The following TENM2 variants were observed in gnomAD, a reference collection of about 807,000 sequenced individuals.
The protein encoded by TENM2 is teneurin transmembrane protein 2, also known as teneurin-2.
Under a neutral mutation model 245.2 loss-of-function variants are expected in TENM2, and 52 were observed. The ratio of observed to expected loss-of-function variants is 0.21; its 90% CI spans 0.17 to 0.27. TENM2 has a LOEUF of 0.27. Ranked by LOEUF, TENM2 falls within the 10% of genes least tolerant of loss-of-function variation. TENM2 has a pLI of 1.00. For synonymous variants in TENM2, 1,363 were observed against 1,438.9 expected, an observed-to-expected ratio of 0.95 and a Z score of 1.19; for missense variants, 3,046 against 3,666.8, an observed-to-expected ratio of 0.83 and a Z score of 4.37.
intron 2 of TENM2, among the ~76,000 whole-genome samples, chr5:167,419,767 A>G (rs1179657226): frequency 6.6e-6 from 1 of 152,234 alleles, no homozygotes; most frequent in Non-Finnish European, 1.5e-5. Context: ...GTAAACCAAG[A>G]ATAAATATAC....
intron 2 of TENM2, among the ~76,000 whole-genome samples, chr5:167,743,385 A>G (rs1349497924): frequency 1.3e-5 from 2 of 152,222 alleles, no homozygotes; most frequent in South Asian, 2.1e-4. Context: ...ATCATTAGAA[A>G]GACAAAAAGA....
At chr5:167,052,418 A>G in the TENM2 span, among the ~76,000 whole-genome samples, 1 of 152,162 alleles carries the variant, frequency 6.6e-6, no homozygotes, top group Non-Finnish European at 1.5e-5. Context: ...TGTTATGGGT[A>G]CTCAATTATG....
At chr5:167,563,665 A>T (rs1773730497) in intron 2 of TENM2, among the ~76,000 whole-genome samples, 1 of 152,164 alleles carries the variant, frequency 6.6e-6, no homozygotes. Flanking sequence ...CCTCATATAC[A>T]ACAGTGGTCC....
chr5:167,109,779 C>T, the TENM2 span, among the ~76,000 whole-genome samples: 1 of 152,124 alleles, frequency 6.6e-6, no homozygotes, highest in Non-Finnish European at 1.5e-5. Flanking sequence ...CGTTATGGTA[C>T]CAGAATTTCT....
chr5:167,494,631 A>G (rs1768677004), intron 2 of TENM2, among the ~76,000 whole-genome samples: 1 of 152,152 alleles, frequency 6.6e-6, no homozygotes, highest in South Asian at 2.1e-4. Flanking sequence ...TGAAACAAAC[A>G]TGTTTGAAGC....
In TENM2 at chr5:167,767,011, C is replaced by T. The variant is rs146377378; in HGVS notation, c.503-108975C>T. 6.7e-4 allele frequency among the ~76,000 whole-genome samples: 102 copies of T among 152,214 alleles called. 1 individual carries two copies. The highest frequency in any genetic ancestry group is 3.3e-3 in the Admixed American group (50 of 15,274). Reference sequence around the variant, plus strand: ...TGTAGTGGTTCCTCAAAACATTAAACGTACAATTACCATATGATCCAAATC... The same window carrying T: ...TGTAGTGGTTCCTCAAAACATTAAATGTACAATTACCATATGATCCAAATC... On this transcript the variant is annotated intron_variant, in intron 2 of 28. Coordinates refer to ENST00000518659, the Ensembl canonical transcript of TENM2.
Position 168,215,022 on chromosome 5 carries a change from G to C in TENM2, c.3846-18G>C. The stretch of plus-strand genomic sequence containing the variant: ...CATAGCCCCCTCCTCATTTCTCTTT[G>C]TGCTTCTTCTACTAAAGCAACAACC... On this transcript the variant is annotated intron_variant, in intron 20 of 28. Transcript: ENST00000518659. 6.2e-7 allele frequency: 1 copy of C among 1,610,982 alleles called. No individual in the cohort carries two copies. The highest frequency in any genetic ancestry group is 8.5e-7 in the Non-Finnish European group (1 of 1,177,620).
chr5:168,050,888 T>C (rs1018117704), intron 6 of TENM2, among the ~76,000 whole-genome samples: 3 of 152,228 alleles, frequency 2.0e-5, no homozygotes, highest in African/African-American at 7.2e-5. Context: ...GAATTGTTGC[T>C]GGCTTTCACA....
At chr5:167,646,232 T>C (rs1441852754) in intron 2 of TENM2, among the ~76,000 whole-genome samples, 1 of 139,022 alleles carries the variant, frequency 7.2e-6, no homozygotes, top group Non-Finnish European at 1.5e-5. Context: ...TATATATATG[T>C]TGTTTTCTTA....
chr5:167,167,432 TG>T, the TENM2 span, among the ~76,000 whole-genome samples: 1 of 152,142 alleles, frequency 6.6e-6, no homozygotes. Flanking sequence ...ATCCCTCCCC[TG>T]TCATAAACTC....
chr5:167,922,354 C>T lies in TENM2; in HGVS notation c.713-30234C>T, dbSNP rs1471483803. On this transcript the variant is annotated intron_variant, in intron 3 of 28. Transcript: ENST00000518659. ...TCTTGAGCAACATCCTCCAAATTGG[C>T]CCCTGCAGCTCCATAGTCTCCCTTT... 1.2e-4 allele frequency among the ~76,000 whole-genome samples: 18 copies of T among 152,174 alleles called. No individual in the cohort carries two copies. In the South Asian group the frequency reaches 3.5e-3, roughly 30 times the overall value.
intron 2 of TENM2, among the ~76,000 whole-genome samples, chr5:167,748,587 T>C (rs1367189018): frequency 1.4e-5 from 2 of 143,248 alleles, no homozygotes; most frequent in Non-Finnish European, 3.2e-5. Flanking sequence ...CATTTTCACA[T>C]TGCTATTAAG....
intron 2 of TENM2, among the ~76,000 whole-genome samples, chr5:167,783,228 C>G (rs980642043): frequency 4.0e-5 from 6 of 151,370 alleles, no homozygotes; most frequent in African/African-American, 1.5e-4. Flanking sequence ...CCTCCTTCCC[C>G]CAGGAGGGTT....
intron 2 of TENM2, among the ~76,000 whole-genome samples, chr5:167,676,988 G>C (rs1233513652): frequency 1.3e-5 from 2 of 152,064 alleles, no homozygotes; most frequent in African/African-American, 2.4e-5. Flanking sequence ...TCAACTAAAT[G>C]TATGCATGTT....
chr5:167,592,210 C>T (rs1047474934), intron 2 of TENM2, among the ~76,000 whole-genome samples: 2 of 152,178 alleles, frequency 1.3e-5, no homozygotes, highest in Non-Finnish European at 2.9e-5. Context: ...CTCTGGTAAC[C>T]CTCTTATGGA....
intron 2 of TENM2, among the ~76,000 whole-genome samples, chr5:167,862,636 C>A (rs369545279): frequency 2.6e-4 from 39 of 152,284 alleles, no homozygotes; most frequent in African/African-American, 9.4e-4. Flanking sequence ...TAGTTTTCCC[C>A]GGAGAGTGTC....
intron 3 of TENM2, among the ~76,000 whole-genome samples, chr5:167,886,113 A>G (rs1774268459): frequency 6.6e-6 from 1 of 152,164 alleles, no homozygotes; most frequent in Non-Finnish European, 1.5e-5. Flanking sequence ...TTTTGGCTAG[A>G]GGACATGGAC....
At position 168,124,817 on chromosome 5, in the gene TENM2, T is replaced by G. The variant is rs572674382; in HGVS notation, c.2009-33T>G. On this transcript the variant is annotated intron_variant, in intron 10 of 28. Transcript: ENST00000518659. ...CATCCTCCATGGGTGATTAATACTT[T>G]TATTCTTTGGTTTTTGTTTTTGTTT... The G allele has an allele frequency of 8.9e-6, 14 of 1,568,258 alleles. No individual in the cohort carries two copies. The East Asian group carries it at 2.6e-4, about 29-fold the overall frequency.
rs769264788 is a variant in TENM2, at chr5:168,227,878, C to G, written c.5285-17C>G. The G allele has an allele frequency of 6.5e-7, 1 of 1,529,902 alleles. No homozygotes were observed. Among genetic ancestry groups the G allele is most frequent in the Non-Finnish European group, 9.0e-7 (1 of 1,113,088 alleles). 94.8% of individuals were successfully genotyped at this position (1,529,902 alleles called of 1,614,324 possible). On this transcript the variant is annotated splice_polypyrimidine_tract_variant and intron_variant, in intron 24 of 28. Transcript: ENST00000518659. ...TAATTTATTTCCCTATCCCCACCCC[C>G]ACTTACATTTTTCCAGATCAAGTTC...
Sources: allele counts gnomAD v4.1 joint callset (sites outside exome capture counted in the v4.1 genomes callset), GRCh38; gene constraint gnomAD v4.1.1; transcripts MANE v1.5; gene names NCBI Gene and HGNC (gene_info 2026-07-23, HGNC 2026-07-21).